The following N4BP1 variants were observed in gnomAD, a reference collection of about 807,000 sequenced individuals.
N4BP1 encodes the protein NEDD4-binding protein 1.
In N4BP1, 21 loss-of-function variants were observed where a neutral mutation model predicts 70.9. That is an observed-to-expected ratio of 0.30 (90% CI 0.21 to 0.43). The LOEUF (loss-of-function observed/expected upper bound fraction) is 0.43, where lower values mean the gene tolerates loss of function less well. Ranked by LOEUF, N4BP1 falls within the 20% of genes least tolerant of loss-of-function variation. The pLI, the probability that N4BP1 is intolerant of heterozygous loss-of-function variation, is 1.00. For missense variants in N4BP1, 936 were observed against 1,069.4 expected, an observed-to-expected ratio of 0.88 and a Z score of 1.74; for synonymous variants, 387 against 394.6, an observed-to-expected ratio of 0.98 and a Z score of 0.23.
chr16:48,571,017 C>A (rs1964012760), intron 1 of N4BP1, among the ~76,000 whole-genome samples: 1 of 152,134 alleles, frequency 6.6e-6, no homozygotes, highest in Non-Finnish European at 1.5e-5. Flanking sequence ...GTCTAGAACT[C>A]CTGGTTTCAA....
Position 48,588,299 on chromosome 16 carries a change from T to C in N4BP1, c.198+21476A>G, listed in dbSNP as rs1229799017. ...TCAATGTCATACTATGTTTTCTTTT[T>C]TTTTTTTTTTTGGAGATGAAGTTTC... On this transcript the variant is annotated intron_variant, in intron 1 of 6. Coordinates refer to ENST00000262384, the MANE Select transcript of N4BP1 (RefSeq NM_153029.4). 5.9e-5 allele frequency among the ~76,000 whole-genome samples: 9 copies of C among 151,632 alleles called. No individual in the cohort carries two copies. The East Asian group carries it at 9.7e-4, about 16-fold the overall frequency.
At chr16:48,598,136 G>A (rs954561912) in intron 1 of N4BP1, among the ~76,000 whole-genome samples, 4 of 152,164 alleles carry the variant, frequency 2.6e-5, no homozygotes, top group Non-Finnish European at 2.9e-5. Context: ...TGGGACACTC[G>A]TTCAGCAAAT....
intron 4 of N4BP1, 50 bp downstream of exon 4, chr16:48,551,336 G>T: frequency 6.9e-7 from 1 of 1,451,044 alleles, no homozygotes; most frequent in Non-Finnish European, 9.7e-7. Context: ...CAGGTGGCTG[G>T]CTCCTCACCA....
At chr16:48,594,132 T>C (rs1964377573) in intron 1 of N4BP1, among the ~76,000 whole-genome samples, 1 of 152,126 alleles carries the variant, frequency 6.6e-6, no homozygotes, top group Non-Finnish European at 1.5e-5. Flanking sequence ...AACGAAAGGT[T>C]TTCATTTGCC....
At chr16:48,554,977 A>G (rs1457475879) in intron 2 of N4BP1, among the ~76,000 whole-genome samples, 1 of 152,160 alleles carries the variant, frequency 6.6e-6, no homozygotes, top group African/African-American at 2.4e-5. Context: ...TCCCACTACC[A>G]TGAGACAACC....
Position 48,561,279 on chromosome 16 carries a change from G to A in N4BP1, c.1364C>T (p.Thr455Ile), listed in dbSNP as rs1483757884. 6.2e-7 allele frequency: 1 copy of A among 1,613,716 alleles called. No individual in the cohort carries two copies. Among genetic ancestry groups the A allele is most frequent in the Non-Finnish European group, 8.5e-7 (1 of 1,179,848 alleles). The part of the protein sequence containing the change: ...LPFKVEAKPC[T>I]SNCRINTFRT... ...GAAAGTATTAATTCTACAATTTGAG[G>A]TACATGGTTTAGCTTCCACTTTGAA... Residue 455 changes from threonine (T) to isoleucine (I), a missense_variant, in exon 2 of 7, where the codon ACC becomes ATC. Coordinates refer to ENST00000262384, the MANE Select transcript of N4BP1 (RefSeq NM_153029.4).
intron 1 of N4BP1, chr16:48,587,021 C>T (rs1013368598): frequency 5.9e-5 from 9 of 152,190 alleles, no homozygotes; most frequent in African/African-American, 2.2e-4. Context: ...TTTAACTCTC[C>T]TCCATCCTGA....
intron 1 of N4BP1, among the ~76,000 whole-genome samples, chr16:48,601,605 T>C (rs1395896703): frequency 6.6e-6 from 1 of 152,256 alleles, no homozygotes; most frequent in Non-Finnish European, 1.5e-5. Context: ...GATTTATTCC[T>C]ACAGCTCTTA....
intron 1 of N4BP1, among the ~76,000 whole-genome samples, chr16:48,582,621 A>G (rs924861197): frequency 6.6e-5 from 10 of 152,194 alleles, no homozygotes; most frequent in African/African-American, 2.4e-4. Flanking sequence ...TTTTTCTATT[A>G]TTAGTAATTG....
chr16:48,559,476 A>C (rs556375217), intron 2 of N4BP1, among the ~76,000 whole-genome samples: 1 of 152,330 alleles, frequency 6.6e-6, no homozygotes, highest in African/African-American at 2.4e-5. Flanking sequence ...CAATGGTGTT[A>C]AATTAAATTA....
chr16:48,545,952 A>G (rs921665405), intron 6 of N4BP1, 195 bp downstream of exon 6: 4 of 430,322 alleles, frequency 9.3e-6, no homozygotes, highest in East Asian at 4.6e-5. Flanking sequence ...GCTGAAGCCC[A>G]GTGGGGCAAA....
chr16:48,586,486 C>T (rs530294928), intron 1 of N4BP1, among the ~76,000 whole-genome samples: 26 of 152,232 alleles, frequency 1.7e-4, no homozygotes, highest in African/African-American at 5.3e-4. Context: ...CGTAACTACA[C>T]GATTAGTTTA....
At chr16:48,608,786 G>C (rs1419765607) in intron 1 of N4BP1, among the ~76,000 whole-genome samples, 2 of 151,688 alleles carry the variant, frequency 1.3e-5, no homozygotes, top group African/African-American at 4.8e-5. Context: ...GGTGGTGGTG[G>C]GGAGGATAAA....
chr16:48,557,447 T>C (rs371704093), intron 2 of N4BP1, among the ~76,000 whole-genome samples: 34 of 152,346 alleles, frequency 2.2e-4, no homozygotes, highest in East Asian at 1.5e-3. Context: ...AGCCACTTCA[T>C]GTTGTATAAA....
intron 1 of N4BP1, among the ~76,000 whole-genome samples, chr16:48,607,491 T>G (rs944447856): frequency 6.6e-6 from 1 of 152,120 alleles, no homozygotes; most frequent in Admixed American, 6.5e-5. Context: ...GAGGCTCTAG[T>G]AGGTTCCAGG....
At chr16:48,594,082 T>A (rs1272903893) in intron 1 of N4BP1, among the ~76,000 whole-genome samples, 1 of 151,992 alleles carries the variant, frequency 6.6e-6, no homozygotes, top group Non-Finnish European at 1.5e-5. Flanking sequence ...TAAATTTGGT[T>A]TTCTCTTTTG....
rs573612197 is a variant in N4BP1, at chr16:48,584,460, A to G, written c.199-22016T>C. ...GAAATATCCCCAGGGCTATTAATAC[A>G]TTAGATTATAAAGTTTCTCAAACAA... is the stretch of plus-strand genomic sequence containing the variant. On this transcript the variant is annotated intron_variant, in intron 1 of 6. Transcript: ENST00000262384. Among the ~76,000 whole-genome samples, 5 of 152,332 alleles carry G rather than the reference A, an allele frequency of 3.3e-5. No individual in the cohort carries two copies. In the South Asian group the frequency reaches 6.2e-4, roughly 19 times the overall value.
chr16:48,607,492 A>G (rs931312068), intron 1 of N4BP1, among the ~76,000 whole-genome samples: 1 of 152,228 alleles, frequency 6.6e-6, no homozygotes, highest in East Asian at 1.9e-4. Flanking sequence ...AGGCTCTAGT[A>G]GGTTCCAGGG....
At chr16:48,599,928 G>C (rs928495016) in intron 1 of N4BP1, among the ~76,000 whole-genome samples, 12 of 152,036 alleles carry the variant, frequency 7.9e-5, no homozygotes, top group Non-Finnish European at 1.6e-4. Flanking sequence ...CTTATCTTTT[G>C]ACTTTTTAAA....
Sources: allele counts gnomAD v4.1 joint callset (sites outside exome capture counted in the v4.1 genomes callset), GRCh38; gene constraint gnomAD v4.1.1; transcripts MANE v1.5; gene names NCBI Gene and HGNC (gene_info 2026-07-23, HGNC 2026-07-21).